CHMP5: variants seen among roughly 807,000 people sequenced by gnomAD.
The protein encoded by CHMP5 is charged multivesicular body protein 5, also known as SNF7 domain containing 2.
A neutral mutation model predicts 33.0 loss-of-function variants in CHMP5; 17 were observed. That is an observed-to-expected ratio of 0.52 (90% CI 0.35 to 0.77). CHMP5 has a LOEUF of 0.77. CHMP5 is among the 30% of genes least tolerant of loss of function. The pLI is 0.01. For missense variants in CHMP5, 216 were observed against 261.5 expected (o/e 0.83, Z 1.20); for synonymous variants, 76 against 90.2 (o/e 0.84, Z 0.89).
intron 5 of CHMP5, 90 bp from the exon 6 acceptor site, chr9:33,276,366 A>G (rs950752867): frequency 2.9e-6 from 2 of 692,784 alleles, no homozygotes; most frequent in Admixed American, 2.7e-5. Context: ...AAAATTGCTC[A>G]TGTCTAGATT....
intron 5 of CHMP5, among the ~76,000 whole-genome samples, chr9:33,273,478 C>T (rs1820818847): frequency 6.6e-6 from 1 of 152,140 alleles, no homozygotes; most frequent in East Asian, 1.9e-4. Context: ...CTTTTCCTGT[C>T]CTCCAATAGA....
chr9:33,267,171 C>G (rs1820737440), intron 2 of CHMP5, among the ~76,000 whole-genome samples: 2 of 152,140 alleles, frequency 1.3e-5, no homozygotes, highest in Admixed American at 6.5e-5. Flanking sequence ...TCCTTCCTCA[C>G]TGGAGAAGAC....
intron 7 of CHMP5, among the ~76,000 whole-genome samples, chr9:33,279,382 C>G (rs906444780): frequency 6.6e-6 from 1 of 152,164 alleles, no homozygotes; most frequent in African/African-American, 2.4e-5. Context: ...GAGTATGCAT[C>G]TTCCTCTATT....
chr9:33,276,304 A>C, intron 5 of CHMP5, 152 bp from the exon 6 acceptor site: 1 of 543,890 alleles, frequency 1.8e-6, no homozygotes, highest in South Asian at 2.5e-5. Context: ...GTGAACTAAC[A>C]GTTGTTGAGA....
At chr9:33,265,440 C>T (rs1300586524) in intron 1 of CHMP5, among the ~76,000 whole-genome samples, 1 of 152,140 alleles carries the variant, frequency 6.6e-6, no homozygotes, top group Non-Finnish European at 1.5e-5. Flanking sequence ...CTCACCCAGC[C>T]CTAGGCCCAT....
chr9:33,279,601 A>G (rs1202640430), intron 7 of CHMP5, among the ~76,000 whole-genome samples: 4 of 152,020 alleles, frequency 2.6e-5, no homozygotes, highest in Non-Finnish European at 5.9e-5. Context: ...CGGTGGCTCA[A>G]GCCTGTAATC....
At chr9:33,265,436 C>G (rs1312249989) in intron 1 of CHMP5, among the ~76,000 whole-genome samples, 2 of 152,156 alleles carry the variant, frequency 1.3e-5, no homozygotes, top group Admixed American at 6.5e-5. Context: ...TCACCTCACC[C>G]AGCCCTAGGC....
chr9:33,275,508 C>T (rs1820842818), intron 5 of CHMP5, among the ~76,000 whole-genome samples: 1 of 152,186 alleles, frequency 6.6e-6, no homozygotes, highest in African/African-American at 2.4e-5. Context: ...CCTCCTTTCT[C>T]TACACAGTGT....
chr9:33,276,294 G>GT (rs1228238568), intron 5 of CHMP5, among the ~76,000 whole-genome samples, 162 bp from the exon 6 acceptor site: 1 of 152,192 alleles, frequency 6.6e-6, no homozygotes, highest in Non-Finnish European at 1.5e-5. Flanking sequence ...GATAGGGGAG[G>GT]TGAACTAACA....
intron 3 of CHMP5, among the ~76,000 whole-genome samples, chr9:33,269,067 G>C (rs937444572): frequency 6.6e-6 from 1 of 152,166 alleles, no homozygotes; most frequent in East Asian, 1.9e-4. Context: ...TGGATAGTTA[G>C]ATTGTTTCCA....
chr9:33,271,348 G>C, intron 5 of CHMP5, 125 bp downstream of exon 5: 2 of 736,204 alleles, frequency 2.7e-6, no homozygotes, highest in South Asian at 3.3e-5. Flanking sequence ...TACTAGTAGA[G>C]TAACTTCGAG....
intron 2 of CHMP5, among the ~76,000 whole-genome samples, chr9:33,266,851 T>C (rs1017654902): frequency 5.3e-5 from 8 of 152,224 alleles, no homozygotes; most frequent in African/African-American, 1.7e-4. Flanking sequence ...CACTGCCTTC[T>C]AGTTGTGACC....
intron 3 of CHMP5, among the ~76,000 whole-genome samples, chr9:33,268,148 G>A (rs541438081): frequency 6.6e-6 from 1 of 152,278 alleles, no homozygotes; most frequent in East Asian, 1.9e-4. Flanking sequence ...AGCAACATGT[G>A]GCTATTGAGC....
intron 5 of CHMP5, among the ~76,000 whole-genome samples, chr9:33,272,835 C>T (rs1820811186): frequency 6.6e-6 from 1 of 152,124 alleles, no homozygotes; most frequent in South Asian, 2.1e-4. Flanking sequence ...TTCCTCCCCT[C>T]TCTTATTTTT....
chr9:33,278,356 AC>A (rs1289242571), intron 7 of CHMP5, 131 bp downstream of exon 7: 88 of 606,362 alleles, frequency 1.5e-4, no homozygotes, highest in Non-Finnish European at 2.3e-4. Context: ...TATTTTGTGA[AC>A]CCTTGAAGGT....
chr9:33,280,042 A>C (rs1171932395), intron 7 of CHMP5, among the ~76,000 whole-genome samples: 1 of 151,928 alleles, frequency 6.6e-6, no homozygotes. Context: ...CAGTGGCACA[A>C]TCTCAGCTCA....
chr9:33,271,787 G>T (rs1328483041), intron 5 of CHMP5, among the ~76,000 whole-genome samples: 1 of 152,126 alleles, frequency 6.6e-6, no homozygotes, highest in Non-Finnish European at 1.5e-5. Flanking sequence ...TATATTATGA[G>T]GATGAAATAA....
intron 6 of CHMP5, 194 bp from the exon 7 acceptor site, chr9:33,277,919 C>T (rs1199013453): frequency 6.3e-6 from 3 of 479,418 alleles, no homozygotes; most frequent in African/African-American, 1.9e-5. Flanking sequence ...ATTGTCATTC[C>T]TCTTGGCCAC....
chr9:33,275,145 T>A (rs763524282), intron 5 of CHMP5, among the ~76,000 whole-genome samples: 4 of 152,190 alleles, frequency 2.6e-5, no homozygotes, highest in Non-Finnish European at 5.9e-5. Flanking sequence ...GAGTCACTTA[T>A]ATGCAGATAT....
Sources: allele counts gnomAD v4.1 joint callset (sites outside exome capture counted in the v4.1 genomes callset), GRCh38; gene constraint gnomAD v4.1.1; transcripts MANE v1.5; gene names NCBI Gene and HGNC (gene_info 2026-07-23, HGNC 2026-07-21).